MTMR10: variants seen among roughly 807,000 people sequenced by gnomAD.
MTMR10 encodes myotubularin related protein 10, also known as myotubularin-related protein 10.
Under a neutral mutation model 88.1 loss-of-function variants are expected in MTMR10, and 56 were observed. That is an observed-to-expected ratio of 0.64 (90% CI 0.51 to 0.79). The LOEUF (loss-of-function observed/expected upper bound fraction) is 0.79. Among genes scored for constraint, MTMR10 ranks in the 30% least tolerant of loss-of-function variants. The pLI is 0.00. For synonymous variants in MTMR10, 380 were observed against 340.9 expected (o/e 1.11, Z -1.26); for missense variants, 883 against 924.7 (o/e 0.95, Z 0.58).
chr15:30,920,680 C>T, the MTMR10 span: 7 of 1,337,060 alleles, frequency 5.2e-6, no homozygotes, highest in African/African-American at 5.9e-5. Context: ...CTGCCCCCCA[C>T]CATTACTGAT....
chr15:30,981,942 G>A (rs367705036), intron 2 of MTMR10, among the ~76,000 whole-genome samples: 56 of 151,938 alleles, frequency 3.7e-4, no homozygotes, highest in East Asian at 5.8e-4. Flanking sequence ...CTGGTGGTGC[G>A]CACCTGTACT....
the MTMR10 span, chr15:30,925,337 T>G: frequency 6.4e-7 from 1 of 1,554,764 alleles, no homozygotes; most frequent in African/African-American, 1.4e-5. Context: ...CGCGTGTACC[T>G]GGTTTTTTTG....
intron 6 of MTMR10, among the ~76,000 whole-genome samples, chr15:30,965,008 A>G (rs927363033): frequency 1.3e-5 from 2 of 152,144 alleles, no homozygotes; most frequent in Non-Finnish European, 2.9e-5. Flanking sequence ...TAAAAAGAGG[A>G]CTGTGAGTAT....
chr15:30,951,184 G>A (rs1244284297), intron 12 of MTMR10, among the ~76,000 whole-genome samples: 2 of 152,168 alleles, frequency 1.3e-5, no homozygotes, highest in African/African-American at 4.8e-5. Flanking sequence ...TTGCTTAACT[G>A]AAAGATTTTT....
At chr15:30,971,153 T>C (rs887185505) in intron 5 of MTMR10, among the ~76,000 whole-genome samples, 3 of 152,140 alleles carry the variant, frequency 2.0e-5, no homozygotes, top group African/African-American at 4.8e-5. Context: ...CTACCTTTCA[T>C]CCTAAGAGTT....
chr15:30,943,880 C>CTGAT (rs2063125571), intron 14 of MTMR10: 9 of 985,296 alleles, frequency 9.1e-6, no homozygotes, highest in South Asian at 4.7e-5. Flanking sequence ...CTCATCTCAG[C>CTGAT]TGATTGATGG....
Position 30,947,311 on chromosome 15 carries a change from C to T in MTMR10, c.1378-11G>A. The T allele has an allele frequency of 6.2e-7, 1 of 1,611,602 alleles. No homozygotes were observed. The highest frequency in any genetic ancestry group is 8.5e-7 in the Non-Finnish European group (1 of 1,178,898). Reference sequence around the variant, plus strand: ...CAAAAATAAAGGAGACTGGCAAATACAAAGAGACAATGGGATCATTTAATG... The same window carrying T: ...CAAAAATAAAGGAGACTGGCAAATATAAAGAGACAATGGGATCATTTAATG... On this transcript the variant is annotated splice_polypyrimidine_tract_variant and intron_variant, in intron 13 of 15. Transcript: ENST00000435680.
chr15:30,963,475 TA>T (rs796275031), intron 6 of MTMR10, among the ~76,000 whole-genome samples: 3,409 of 144,090 alleles, frequency 0.024, 108 homozygotes, highest in African/African-American at 0.073. Flanking sequence ...TTAAAAATAC[TA>T]AAAAAAAAAA....
chr15:30,960,801 A>C (rs1368316123), intron 7 of MTMR10, 80 bp downstream of exon 7: 10 of 1,368,136 alleles, frequency 7.3e-6, no homozygotes, highest in African/African-American at 2.9e-5. Context: ...CTTGAAAGTC[A>C]TCAATGACAA....
rs1215082402 is a variant in MTMR10, at chr15:30,976,839, C to G, written c.238G>C (p.Asp80His). The change falls in exon 3 of 16, where the codon GAT (aspartate) becomes CAT (histidine). Residue 80 changes from aspartate (D) to histidine (H), a missense_variant. Around this residue, in one of 3 missense-constraint regions of MTMR10, gnomAD observed 414 missense variants for 423.2 expected, o/e 0.98. Transcript: ENST00000435680. Reference sequence around the variant, plus strand: ...CACACCTGTAATGGCATTGGGTCATCTGTAATAAAGGAGATTTTGAAGTTA... The same window carrying G: ...CACACCTGTAATGGCATTGGGTCATGTGTAATAAAGGAGATTTTGAAGTTA... Reference protein sequence around the residue: ...CSNFKISFITDDPMPLQKFHY... With the variant: ...CSNFKISFITHDPMPLQKFHY... 1.6e-5 allele frequency: 26 copies of G among 1,613,622 alleles called. No homozygotes were observed. The highest frequency in any genetic ancestry group is 2.0e-5 in the Non-Finnish European group (24 of 1,179,798).
chr15:30,922,559 T>G, the MTMR10 span, among the ~76,000 whole-genome samples: 1 of 152,196 alleles, frequency 6.6e-6, no homozygotes, highest in South Asian at 2.1e-4. Flanking sequence ...GAAGCTTTTG[T>G]CTTCTCTTTG....
intron 6 of MTMR10, 40 bp downstream of exon 6, chr15:30,967,880 A>G (rs1321284794): frequency 6.8e-7 from 1 of 1,461,416 alleles, no homozygotes; most frequent in Non-Finnish European, 9.3e-7. Context: ...AAATTTACAC[A>G]TGTAAAATTA....
In MTMR10 at chr15:30,943,046, T is replaced by C. The variant is rs1566944811; in HGVS notation, c.1575A>G (p.Gln525=). 5 of 1,537,740 alleles carry C rather than the reference T, an allele frequency of 3.3e-6. No homozygotes were observed. Among genetic ancestry groups the C allele is most frequent in the Non-Finnish European group, 3.5e-6 (4 of 1,143,386 alleles). Reference sequence around the variant, plus strand: ...ATTTTAAGCCCTTCTCATCACCCAATTGGATGTTTTTGCTTATAGCAAATT... The same window carrying C: ...ATTTTAAGCCCTTCTCATCACCCAACTGGATGTTTTTGCTTATAGCAAATT... ...STEFAISKNI[Q]LGDEKGLKFP... is the part of the protein sequence containing the mutation. The change falls in exon 15 of 16, where the codon CAA becomes CAG. Residue 525 remains glutamine, a synonymous_variant. Coordinates refer to ENST00000435680, the MANE Select transcript of MTMR10 (RefSeq NM_017762.3).
At chr15:30,967,532 C>T (rs1171382353) in intron 6 of MTMR10, among the ~76,000 whole-genome samples, 4 of 152,120 alleles carry the variant, frequency 2.6e-5, no homozygotes, top group Admixed American at 2.0e-4. Context: ...TGAAATCACA[C>T]CTTGCCAGAA....
intron 2 of MTMR10, among the ~76,000 whole-genome samples, chr15:30,980,113 A>G (rs531237182): frequency 6.6e-6 from 1 of 152,226 alleles, no homozygotes; most frequent in South Asian, 2.1e-4. Context: ...AAGGTTTAGA[A>G]GACACAACTG....
chr15:30,931,958 C>T, the MTMR10 span, among the ~76,000 whole-genome samples: 180 of 150,972 alleles, frequency 1.2e-3, 2 homozygotes, highest in African/African-American at 4.2e-3. Context: ...TACGGTGGCT[C>T]ACACCTGTAA....
intron 6 of MTMR10, among the ~76,000 whole-genome samples, chr15:30,963,579 G>C (rs544551701): frequency 6.6e-6 from 1 of 152,274 alleles, no homozygotes; most frequent in African/African-American, 2.4e-5. Context: ...AGAGCTTGCA[G>C]TGAGCCGAGA....
chr15:30,969,806 G>GA (rs1215256073), intron 5 of MTMR10, among the ~76,000 whole-genome samples: 2 of 152,150 alleles, frequency 1.3e-5, no homozygotes, highest in East Asian at 1.9e-4. Flanking sequence ...TCAGGTCAGA[G>GA]AAAAACAGGT....
chr15:30,967,849 C>T (rs1270013625), intron 6 of MTMR10, 71 bp downstream of exon 6: 1 of 1,280,154 alleles, frequency 7.8e-7, no homozygotes, highest in African/African-American at 1.5e-5. Context: ...TACTTGGAGG[C>T]TTCCGGTAAA....
Sources: allele counts gnomAD v4.1 joint callset (sites outside exome capture counted in the v4.1 genomes callset), GRCh38; gene constraint gnomAD v4.1.1; regional missense constraint gnomAD v4.1.1; transcripts MANE v1.5; gene names NCBI Gene and HGNC (gene_info 2026-07-23, HGNC 2026-07-21).